Variants in GATB observed in about 807,000 individuals in gnomAD.
The protein encoded by GATB is glutamyl-tRNA amidotransferase subunit B, also known as glutamyl-tRNA(Gln) amidotransferase subunit B, mitochondrial.
Under a neutral mutation model 62.3 loss-of-function variants are expected in GATB, and 39 were observed. The ratio of observed to expected loss-of-function variants is 0.63; its 90% CI spans 0.48 to 0.82. The LOEUF (loss-of-function observed/expected upper bound fraction) is 0.82, where lower values mean the gene tolerates loss of function less well. GATB is among the 40% of genes least tolerant of loss of function. The probability of loss-of-function intolerance (pLI) is 0.00; values close to 1 mark genes in which losing one functional copy is unlikely to be tolerated. For synonymous variants in GATB, 276 were observed against 258.9 expected, an observed-to-expected ratio of 1.07 and a Z score of -0.63; for missense variants, 670 against 684.0, an observed-to-expected ratio of 0.98 and a Z score of 0.23.
At chr4:151,744,864 G>A (rs1739565815) in intron 2 of GATB, among the ~76,000 whole-genome samples, 2 of 152,202 alleles carry the variant, frequency 1.3e-5, no homozygotes, top group African/African-American at 2.4e-5. Flanking sequence ...GGTTAACTAA[G>A]TTATAAGGCA....
At chr4:151,712,476 A>T (rs1197591128) in intron 5 of GATB, among the ~76,000 whole-genome samples, 1 of 152,214 alleles carries the variant, frequency 6.6e-6, no homozygotes, top group Non-Finnish European at 1.5e-5. Context: ...CACTGAGCAC[A>T]GTGATAAAGT....
intron 2 of GATB, among the ~76,000 whole-genome samples, chr4:151,725,156 G>A (rs951170251): frequency 2.6e-5 from 4 of 152,206 alleles, no homozygotes; most frequent in African/African-American, 7.2e-5. Flanking sequence ...TGGAGCCATG[G>A]GTAAGACCCA....
intron 10 of GATB, among the ~76,000 whole-genome samples, chr4:151,680,207 C>A (rs1408027442): frequency 6.6e-6 from 1 of 150,904 alleles, no homozygotes; most frequent in Non-Finnish European, 1.5e-5. Flanking sequence ...ATTCATGAAC[C>A]ACAACAGGAA....
intron 2 of GATB, among the ~76,000 whole-genome samples, chr4:151,750,979 A>C (rs1739710940): frequency 6.6e-6 from 1 of 152,112 alleles, no homozygotes; most frequent in Non-Finnish European, 1.5e-5. Context: ...CCACTCCCTA[A>C]AAGCCCTGCC....
At chr4:151,748,269 C>T (rs1213488862) in intron 2 of GATB, among the ~76,000 whole-genome samples, 3 of 152,200 alleles carry the variant, frequency 2.0e-5, no homozygotes, top group African/African-American at 7.2e-5. Flanking sequence ...AACTATACTA[C>T]AAGGCTACAG....
At chr4:151,726,795 C>T (rs934746670) in intron 2 of GATB, among the ~76,000 whole-genome samples, 4 of 152,144 alleles carry the variant, frequency 2.6e-5, no homozygotes, top group Admixed American at 6.6e-5. Flanking sequence ...GTCAAAAGTC[C>T]CATTTTTCTC....
At chr4:151,737,438 C>A (rs1038634436) in intron 2 of GATB, among the ~76,000 whole-genome samples, 1 of 152,160 alleles carries the variant, frequency 6.6e-6, no homozygotes, top group South Asian at 2.1e-4. Flanking sequence ...CTGTTAAAGG[C>A]ACTCCGTTTT....
At position 151,701,352 on chromosome 4, in the gene GATB, G is replaced by C. The variant is rs751809328; in HGVS notation, c.1174C>G (p.Leu392Val). Residue 392 changes from leucine (L) to valine (V), a missense_variant, in exon 9 of 13, where the codon CTG becomes GTG. By Grantham distance (32) the Leu-to-Val change is conservative. Transcript: ENST00000263985. ...EKLVQQYGMLLEHSFTLLNEV... is the reference protein window; with the variant it reads ...EKLVQQYGMLVEHSFTLLNEV... ...ACCAGCAAAGTGAAGCTGTGTTCCA[G>C]CAGCATCCCATACTGTTGGACAAGC... The C allele has an allele frequency of 4.5e-6, 7 of 1,566,814 alleles. No individual in the cohort carries two copies. The Middle Eastern group carries it at 1.0e-3, about 227-fold the overall frequency.
At chr4:151,729,960 C>T (rs1459214545) in intron 2 of GATB, among the ~76,000 whole-genome samples, 2 of 152,178 alleles carry the variant, frequency 1.3e-5, no homozygotes, top group African/African-American at 2.4e-5. Context: ...GCTGCAAGAG[C>T]AGGCCAGCAA....
chr4:151,710,729 G>A (rs1738801225), intron 5 of GATB, among the ~76,000 whole-genome samples: 1 of 152,172 alleles, frequency 6.6e-6, no homozygotes, highest in Admixed American at 6.5e-5. Flanking sequence ...TCCTCTGGAT[G>A]CTTTGTTTCC....
At chr4:151,749,220 T>C (rs920737763) in intron 2 of GATB, among the ~76,000 whole-genome samples, 9 of 152,322 alleles carry the variant, frequency 5.9e-5, no homozygotes, top group African/African-American at 2.2e-4. Flanking sequence ...CGTATGTTTA[T>C]TGCGGCACTA....
At chr4:151,703,781 A>T (rs760957658) in intron 8 of GATB, 70 bp downstream of exon 8, 1 of 1,060,364 alleles carries the variant, frequency 9.4e-7, no homozygotes, top group Non-Finnish European at 1.5e-6. Context: ...ATTATGTTGA[A>T]CTTTAAATGA....
intron 2 of GATB, among the ~76,000 whole-genome samples, chr4:151,732,902 G>A (rs1263622289): frequency 6.6e-6 from 1 of 151,554 alleles, no homozygotes; most frequent in African/African-American, 2.4e-5. Context: ...GGAAACTTTG[G>A]ACACACTTTT....
chr4:151,758,660 A>T lies in GATB; in HGVS notation c.327+112T>A, dbSNP rs1199419991. 9.7e-6 allele frequency: 9 copies of T among 930,806 alleles called. No homozygotes were observed. The Admixed American group carries it at 2.7e-4, about 28-fold the overall frequency. The allele number at this position is 930,806 out of a possible 1,614,324, so 57.7% of individuals were successfully genotyped here. A position where few individuals can be genotyped will look rare whatever the true frequency, so the allele number is the denominator to read the frequency against. On this transcript the variant is annotated intron_variant, in intron 2 of 12. Transcript: ENST00000263985. ...TATCCCGCTTCACCCAAAACTCCCTAAATAAGTATTTCCAAAGAGTTGTGT... is the reference window on the plus strand; with the variant it reads ...TATCCCGCTTCACCCAAAACTCCCTTAATAAGTATTTCCAAAGAGTTGTGT...
chr4:151,678,664 G>T (rs918106213), intron 11 of GATB, among the ~76,000 whole-genome samples: 2 of 152,146 alleles, frequency 1.3e-5, no homozygotes, highest in Non-Finnish European at 1.5e-5. Flanking sequence ...ACAGCACCCA[G>T]CCCGGTGCGT....
chr4:151,699,258 G>A (rs930362996), intron 9 of GATB, among the ~76,000 whole-genome samples: 2 of 151,854 alleles, frequency 1.3e-5, no homozygotes, highest in Non-Finnish European at 2.9e-5. Context: ...GAGTGGTGGC[G>A]CATGCCTGGA....
At position 151,758,764 on chromosome 4, in the gene GATB, A is replaced by G. The variant is rs1467440724; in HGVS notation, c.327+8T>C. 1 of 1,556,982 alleles carries G rather than the reference A, an allele frequency of 6.4e-7. No homozygotes were observed. Among genetic ancestry groups the G allele is most frequent in the Non-Finnish European group, 8.7e-7 (1 of 1,154,220 alleles). On this transcript the variant is annotated splice_region_variant and intron_variant, in intron 2 of 12. Transcript: ENST00000263985. ...TCTAATGAAAATAGGATTAAATAAGAATCTTACCGGCAAAGTTCCAGGTAG... is the reference window on the plus strand; with the variant it reads ...TCTAATGAAAATAGGATTAAATAAGGATCTTACCGGCAAAGTTCCAGGTAG...
At chr4:151,703,178 T>C (rs1395953046) in intron 8 of GATB, 1 of 152,388 alleles carries the variant, frequency 6.6e-6, no homozygotes, top group Non-Finnish European at 1.5e-5. Context: ...TATGAGTTTC[T>C]TCTTTCCCAC....
chr4:151,695,521 C>A (rs1056670141), intron 9 of GATB, among the ~76,000 whole-genome samples: 4 of 152,074 alleles, frequency 2.6e-5, no homozygotes, highest in African/African-American at 9.7e-5. Flanking sequence ...GGTGGCAGGC[C>A]CTCAAGAAAC....
Sources: allele counts gnomAD v4.1 joint callset (sites outside exome capture counted in the v4.1 genomes callset), GRCh38; gene constraint gnomAD v4.1.1; transcripts MANE v1.5; gene names NCBI Gene and HGNC (gene_info 2026-07-23, HGNC 2026-07-21).